ADAMTS3: variants seen among roughly 807,000 people sequenced by gnomAD.
The protein encoded by ADAMTS3 is A disintegrin and metalloproteinase with thrombospondin motifs 3.
Under a neutral mutation model 129.0 loss-of-function variants are expected in ADAMTS3, and 73 were observed. The ratio of observed to expected loss-of-function variants is 0.57; its 90% CI spans 0.47 to 0.69. The LOEUF (loss-of-function observed/expected upper bound fraction) is 0.69. Among genes scored for constraint, ADAMTS3 ranks in the 30% least tolerant of loss-of-function variants. The pLI is 0.00. For missense variants in ADAMTS3, 1,457 were observed against 1,514.5 expected, an observed-to-expected ratio of 0.96 and a Z score of 0.63; for synonymous variants, 477 against 510.8, an observed-to-expected ratio of 0.93 and a Z score of 0.89.
At chr4:72,294,796 G>A (rs1718764563) in intron 19 of ADAMTS3, among the ~76,000 whole-genome samples, 1 of 151,978 alleles carries the variant, frequency 6.6e-6, no homozygotes, top group Non-Finnish European at 1.5e-5. Context: ...GATAATAATA[G>A]AACAGTATTT....
chr4:72,289,888 G>T (rs1385071624), intron 20 of ADAMTS3, among the ~76,000 whole-genome samples: 1 of 152,090 alleles, frequency 6.6e-6, no homozygotes, highest in Non-Finnish European at 1.5e-5. Flanking sequence ...ATAAACTTTT[G>T]TTCTTTATAA....
At chr4:72,415,097 G>T in intron 3 of ADAMTS3, 126 bp from the exon 4 acceptor site, 3 of 625,510 alleles carry the variant, frequency 4.8e-6, no homozygotes, top group Non-Finnish European at 7.1e-6. Context: ...TCCACATTTG[G>T]CCATAACTTA....
At chr4:72,537,136 T>C (rs1394235367) in intron 3 of ADAMTS3, among the ~76,000 whole-genome samples, 3 of 152,156 alleles carry the variant, frequency 2.0e-5, no homozygotes, top group African/African-American at 7.2e-5. Context: ...CTTAGCACAG[T>C]AGCAGTTACC....
chr4:72,403,929 T>C (rs73824596), intron 4 of ADAMTS3, among the ~76,000 whole-genome samples: 5,402 of 152,050 alleles, frequency 0.036, 328 homozygotes, highest in African/African-American at 0.12. Flanking sequence ...CCCTCAGAAA[T>C]GGCTGGGAGG....
chr4:72,396,910 C>T (rs1721739570), intron 4 of ADAMTS3, among the ~76,000 whole-genome samples: 1 of 152,128 alleles, frequency 6.6e-6, no homozygotes, highest in Middle Eastern at 3.2e-3. Context: ...GTGAAATGGT[C>T]ATAATGATCA....
chr4:72,311,371 G>T (rs1719231053), intron 13 of ADAMTS3, among the ~76,000 whole-genome samples, 190 bp from the exon 14 acceptor site: 1 of 151,840 alleles, frequency 6.6e-6, no homozygotes, highest in Non-Finnish European at 1.5e-5. Context: ...TAGCTAAGGT[G>T]ACCATAAAAT....
chr4:72,342,362 T>C (rs1161065626), intron 4 of ADAMTS3, among the ~76,000 whole-genome samples: 16 of 35,360 alleles, frequency 4.5e-4, no homozygotes, highest in Non-Finnish European at 3.0e-3. Context: ...CCAATTACTT[T>C]TTTTTTTTTT....
At chr4:72,395,448 G>A (rs543269508) in intron 4 of ADAMTS3, among the ~76,000 whole-genome samples, 3 of 152,148 alleles carry the variant, frequency 2.0e-5, no homozygotes, top group Non-Finnish European at 2.9e-5. Context: ...AATAATGAGT[G>A]TATACTGGGG....
intron 3 of ADAMTS3, 39 bp from the exon 4 acceptor site, chr4:72,415,010 T>C (rs1341063547): frequency 7.4e-7 from 1 of 1,344,582 alleles, no homozygotes; most frequent in Admixed American, 2.8e-5. Context: ...AAAAAAGAAA[T>C]ATCTATCATC....
intron 3 of ADAMTS3, among the ~76,000 whole-genome samples, chr4:72,547,104 T>C (rs1317198600): frequency 1.3e-5 from 2 of 152,162 alleles, no homozygotes; most frequent in Admixed American, 6.6e-5. Context: ...CTGGGTAATT[T>C]TGAGAAAAGT....
At chr4:72,465,333 A>C (rs965786534) in intron 3 of ADAMTS3, among the ~76,000 whole-genome samples, 1 of 152,048 alleles carries the variant, frequency 6.6e-6, no homozygotes, top group Non-Finnish European at 1.5e-5. Flanking sequence ...AAAAACGCCA[A>C]TGTGGCTTGA....
At chr4:72,555,854 T>C (rs2109798886) in intron 2 of ADAMTS3, among the ~76,000 whole-genome samples, 1 of 151,650 alleles carries the variant, frequency 6.6e-6, no homozygotes, top group East Asian at 1.9e-4. Context: ...AGGTGTGTAG[T>C]ACTTTCCCCT....
chr4:72,396,320 G>C (rs1302163885), intron 4 of ADAMTS3, among the ~76,000 whole-genome samples: 1 of 152,050 alleles, frequency 6.6e-6, no homozygotes, highest in Non-Finnish European at 1.5e-5. Flanking sequence ...AATCAGATAG[G>C]AGAAGCTAAA....
At chr4:72,477,436 T>C (rs941204528) in intron 3 of ADAMTS3, among the ~76,000 whole-genome samples, 2 of 152,258 alleles carry the variant, frequency 1.3e-5, no homozygotes, top group East Asian at 1.9e-4. Flanking sequence ...TGCTCCTGAA[T>C]GACTACTGGG....
chr4:72,477,863 A>T (rs1719287043), intron 3 of ADAMTS3, among the ~76,000 whole-genome samples: 1 of 152,198 alleles, frequency 6.6e-6, no homozygotes, highest in South Asian at 2.1e-4. Flanking sequence ...AGGGGATATC[A>T]CCACCGATCC....
chr4:72,510,802 C>A, intron 3 of ADAMTS3, among the ~76,000 whole-genome samples: 1 of 108,910 alleles, frequency 9.2e-6, no homozygotes, highest in Non-Finnish European at 1.8e-5. Context: ...CTGGAATAGC[C>A]AAAGCTATCC....
intron 2 of ADAMTS3, among the ~76,000 whole-genome samples, chr4:72,550,034 G>T (rs1578787847): frequency 1.7e-4 from 1 of 5,928 alleles, no homozygotes. Context: ...AGAAGAAGAA[G>T]AAGAAGAAGA....
At chr4:72,565,710 T>C (rs1722005796) in intron 2 of ADAMTS3, among the ~76,000 whole-genome samples, 1 of 152,346 alleles carries the variant, frequency 6.6e-6, no homozygotes, top group Admixed American at 6.5e-5. Context: ...CTCCTCTCTT[T>C]CATACTGACT....
At chr4:72,553,637 G>C (rs1401712244) in intron 2 of ADAMTS3, among the ~76,000 whole-genome samples, 1 of 152,154 alleles carries the variant, frequency 6.6e-6, no homozygotes, top group Non-Finnish European at 1.5e-5. Flanking sequence ...GTGGAGAAGA[G>C]TGAATTATGT....
Sources: gnomAD v4.1 joint callset for allele counts (sites outside exome capture counted in the v4.1 genomes callset) on GRCh38, gnomAD v4.1.1 for gene constraint, MANE v1.5 for transcripts, NCBI Gene and HGNC (gene_info 2026-07-23, HGNC 2026-07-21) for gene names.